PRKAR2B: variants seen among roughly 807,000 people sequenced by gnomAD.
PRKAR2B encodes the protein protein kinase cAMP-dependent type II regulatory subunit beta.
In PRKAR2B, 14 loss-of-function variants were observed where a neutral mutation model predicts 49.9. The ratio of observed to expected loss-of-function variants is 0.28; its 90% confidence interval spans 0.19 to 0.44. The LOEUF is 0.44. Among genes scored for constraint, PRKAR2B ranks in the 20% least tolerant of loss-of-function variants. PRKAR2B has a pLI of 1.00. For synonymous variants in PRKAR2B, 196 were observed against 197.7 expected (o/e 0.99, Z 0.07); for missense variants, 393 against 537.9 (o/e 0.73, Z 2.67).
intron 2 of PRKAR2B, among the ~76,000 whole-genome samples, chr7:107,083,103 G>A (rs555303870): frequency 3.5e-4 from 53 of 151,998 alleles, no homozygotes; most frequent in Non-Finnish European, 6.5e-4. Flanking sequence ...CCGAGGCTGG[G>A]TATGGTGGCT....
At chr7:107,104,117 C>T (rs979165834) in intron 2 of PRKAR2B, among the ~76,000 whole-genome samples, 14 of 152,158 alleles carry the variant, frequency 9.2e-5, no homozygotes, top group African/African-American at 1.9e-4. Flanking sequence ...CTGCAACCTC[C>T]GCCTCCTGGG....
chr7:107,138,686 A>C (rs997085029), intron 4 of PRKAR2B, among the ~76,000 whole-genome samples: 1 of 142,124 alleles, frequency 7.0e-6, no homozygotes, highest in Non-Finnish European at 1.5e-5. Flanking sequence ...AGTAGCTGAG[A>C]CTACTCATTT....
chr7:107,108,496 A>G (rs920995822), intron 2 of PRKAR2B, among the ~76,000 whole-genome samples: 4 of 152,208 alleles, frequency 2.6e-5, no homozygotes, highest in Admixed American at 1.3e-4. Context: ...ATAATGAACT[A>G]CCAAGCCAGA....
chr7:107,055,922 T>G (rs1448744825), intron 1 of PRKAR2B, among the ~76,000 whole-genome samples: 1 of 152,156 alleles, frequency 6.6e-6, no homozygotes, highest in Non-Finnish European at 1.5e-5. Context: ...TTGCCTAGGT[T>G]TTCTTCTAGG....
At chr7:107,138,198 A>T (rs1426735336) in intron 4 of PRKAR2B, among the ~76,000 whole-genome samples, 2 of 152,192 alleles carry the variant, frequency 1.3e-5, no homozygotes, top group African/African-American at 4.8e-5. Flanking sequence ...AACCCATAGA[A>T]TGTACAACAC....
chr7:107,139,394 C>T (rs1029348561), intron 4 of PRKAR2B, among the ~76,000 whole-genome samples: 4 of 152,162 alleles, frequency 2.6e-5, no homozygotes, highest in Non-Finnish European at 5.9e-5. Flanking sequence ...TAGTTTCTCT[C>T]GAATCTTTTG....
At chr7:107,153,298 G>A in intron 8 of PRKAR2B, 47 bp downstream of exon 8, 3 of 1,368,598 alleles carry the variant, frequency 2.2e-6, no homozygotes, top group Non-Finnish European at 3.0e-6. Flanking sequence ...TATTCCAAAA[G>A]GTTCCTGTAG....
Position 107,145,182 on chromosome 7 carries a change from C to T in PRKAR2B, c.588-1126C>T, listed in dbSNP as rs572078413. On this transcript the variant is annotated intron_variant, in intron 5 of 10. Transcript: ENST00000265717. ...CAGAGAGTAAATATTTTTGGCTTTG[C>T]AGGCCAATATGTTCTCTGTTGTAAC... Among the ~76,000 whole-genome samples the T allele has an allele frequency of 2.6e-5, 4 of 152,254 alleles. No individual in the cohort carries two copies. In the East Asian group the frequency reaches 7.7e-4, roughly 29 times the overall value.
Position 107,093,382 on chromosome 7 carries a change from T to G in PRKAR2B, c.343+23066T>G, listed in dbSNP as rs899827653. Among the ~76,000 whole-genome samples the G allele has an allele frequency of 2.4e-4, 37 of 152,224 alleles. 1 individual carries two copies. The highest frequency in any genetic ancestry group is 5.4e-4 in the Non-Finnish European group (37 of 68,046). ...TCTCCAGATCTTTACCAATACCTGT[T>G]ATTTTGGTTTTTTGATAATAGCCAA... On this transcript the variant is annotated intron_variant, in intron 2 of 10. Coordinates refer to ENST00000265717, the MANE Select transcript of PRKAR2B (RefSeq NM_002736.3).
intron 1 of PRKAR2B, among the ~76,000 whole-genome samples, chr7:107,049,500 C>G (rs972175536): frequency 7.2e-5 from 11 of 152,146 alleles, no homozygotes; most frequent in Non-Finnish European, 8.8e-5. Context: ...GGAATCTTAC[C>G]TACCTTTTGG....
chr7:107,136,122 A>G (rs7809330), intron 4 of PRKAR2B, among the ~76,000 whole-genome samples: 60,160 of 152,000 alleles, frequency 0.4, 14,617 homozygotes, highest in Non-Finnish European at 0.51. Flanking sequence ...GAAAAACTAG[A>G]TATCTGAAAA....
intron 6 of PRKAR2B, among the ~76,000 whole-genome samples, chr7:107,147,561 A>T (rs765532738): frequency 4.6e-5 from 7 of 152,222 alleles, no homozygotes; most frequent in Non-Finnish European, 1.0e-4. Flanking sequence ...TATGCTTACA[A>T]ATCACCTGGG....
At position 107,141,055 on chromosome 7, in the gene PRKAR2B, T is replaced by C; in HGVS notation, c.587+102T>C. The C allele has an allele frequency of 3.9e-6, 3 of 771,662 alleles. No individual in the cohort carries two copies. In the South Asian group the frequency reaches 5.3e-5, roughly 14 times the overall value. 47.8% of individuals were successfully genotyped at this position (771,662 alleles called of 1,614,324 possible). On this transcript the variant is annotated intron_variant, in intron 5 of 10. Coordinates refer to ENST00000265717, the MANE Select transcript of PRKAR2B (RefSeq NM_002736.3). ...ACAGGTTAATATAGGATAGTTGTTA[T>C]TGCCGCTACTCTTATTATTACATAA...
At chr7:107,125,575 G>A (rs1795466453) in intron 3 of PRKAR2B, among the ~76,000 whole-genome samples, 1 of 152,146 alleles carries the variant, frequency 6.6e-6, no homozygotes, top group Non-Finnish European at 1.5e-5. Context: ...CATCTTCAGA[G>A]CAGGTGGCTG....
chr7:107,070,324 T>C lies in PRKAR2B; in HGVS notation c.343+8T>C, dbSNP rs572666860. 6.3e-6 allele frequency: 10 copies of C among 1,596,988 alleles called. No individual in the cohort carries two copies. The South Asian group carries it at 8.9e-5, about 14-fold the overall frequency. Reference sequence around the variant, plus strand: ...TCACAAGGCGTGCCTCAGGTAAGTCTGATTATATTATGGATTTTGTTTATT... The same window carrying C: ...TCACAAGGCGTGCCTCAGGTAAGTCCGATTATATTATGGATTTTGTTTATT... On this transcript the variant is annotated splice_region_variant and intron_variant, in intron 2 of 10. Transcript: ENST00000265717.
intron 2 of PRKAR2B, among the ~76,000 whole-genome samples, chr7:107,092,061 A>G (rs1794740849): frequency 6.6e-6 from 1 of 152,150 alleles, no homozygotes; most frequent in South Asian, 2.1e-4. Context: ...CAAACCATGT[A>G]AGTTAATATG....
intron 6 of PRKAR2B, among the ~76,000 whole-genome samples, chr7:107,148,396 C>T (rs1378265699): frequency 6.6e-6 from 1 of 152,110 alleles, no homozygotes; most frequent in Non-Finnish European, 1.5e-5. Flanking sequence ...CTTGTAGAAA[C>T]TTTAATGGGG....
Position 107,157,006 on chromosome 7 carries a change from T to G in PRKAR2B, c.941T>G (p.Phe314Cys). 6.2e-7 allele frequency: 1 copy of G among 1,612,410 alleles called. No homozygotes were observed. Among genetic ancestry groups the G allele is most frequent in the Non-Finnish European group, 8.5e-7 (1 of 1,178,432 alleles). The change falls in exon 9 of 11, where the codon TTC becomes TGC. Residue 314 changes from phenylalanine (F) to cysteine (C), a missense_variant. Physicochemically the swap from Phe to Cys is radical, Grantham distance 205. This residue lies in a region of PRKAR2B where 233 missense variants were observed against 390.4 expected (regional missense o/e 0.60). Coordinates refer to ENST00000265717, the MANE Select transcript of PRKAR2B (RefSeq NM_002736.3). ...TAGGGAGATTCGGCTGATTCTTTTT[T>G]CATTGTAGAATCTGGAGAAGTGAAA... ...IAQGDSADSF[F>C]IVESGEVKIT...
At chr7:107,088,423 G>A (rs951801837) in intron 2 of PRKAR2B, among the ~76,000 whole-genome samples, 1 of 152,112 alleles carries the variant, frequency 6.6e-6, no homozygotes, top group African/African-American at 2.4e-5. Flanking sequence ...GAGCATTCCA[G>A]GGAAAGGAGA....
Sources: gnomAD v4.1 joint callset for allele counts (sites outside exome capture counted in the v4.1 genomes callset) on GRCh38, gnomAD v4.1.1 for gene constraint, gnomAD v4.1.1 regional missense constraint, MANE v1.5 for transcripts, NCBI Gene and HGNC (gene_info 2026-07-23, HGNC 2026-07-21) for gene names.